Variants in SPATS2L observed in about 807,000 individuals in gnomAD.
SPATS2L encodes spermatogenesis associated serine rich 2 like.
Under a neutral mutation model 59.6 loss-of-function variants are expected in SPATS2L, and 30 were observed. That is an observed-to-expected ratio of 0.50 (90% CI 0.38 to 0.68). The LOEUF (loss-of-function observed/expected upper bound fraction) is 0.68. Ranked by LOEUF, SPATS2L falls within the 30% of genes least tolerant of loss-of-function variation. The pLI is 0.00. For synonymous variants in SPATS2L, 252 were observed against 263.5 expected, an observed-to-expected ratio of 0.96 and a Z score of 0.42; for missense variants, 615 against 700.0, an observed-to-expected ratio of 0.88 and a Z score of 1.37.
At chr2:200,389,339 C>T in intron 3 of SPATS2L, 56 bp downstream of exon 3, 1 of 1,300,966 alleles carries the variant, frequency 7.7e-7, no homozygotes, top group Non-Finnish European at 1.1e-6. Flanking sequence ...AATGCAGTTC[C>T]TAGCAGGTAA....
chr2:200,306,453 G>C, upstream of SPATS2L: 3 of 1,002,326 alleles, frequency 3.0e-6, no homozygotes, highest in Non-Finnish European at 3.6e-6. Flanking sequence ...TCTAGAAAGT[G>C]GGGTGGGAAA....
At chr2:200,312,724 G>T (rs1383386782) in intron 1 of SPATS2L, among the ~76,000 whole-genome samples, 1 of 152,186 alleles carries the variant, frequency 6.6e-6, no homozygotes, top group Non-Finnish European at 1.5e-5. Flanking sequence ...GCAGTTTGCG[G>T]GCAGAAACTG....
chr2:200,363,348 T>A (rs2081171294), intron 2 of SPATS2L, among the ~76,000 whole-genome samples: 1 of 152,240 alleles, frequency 6.6e-6, no homozygotes. Context: ...GTCTTATTTG[T>A]TTACTTGACT....
intron 3 of SPATS2L, among the ~76,000 whole-genome samples, chr2:200,410,007 T>C (rs1311971033): frequency 1.3e-5 from 2 of 152,164 alleles, no homozygotes; most frequent in East Asian, 3.8e-4. Context: ...AAGCCATTAT[T>C]TTATGTTTAT....
At chr2:200,307,159 G>C (rs1378891710) in intron 1 of SPATS2L, among the ~76,000 whole-genome samples, 1 of 151,412 alleles carries the variant, frequency 6.6e-6, no homozygotes, top group Non-Finnish European at 1.5e-5. Context: ...AGCCGGCGCG[G>C]GCAAGCGGGA....
chr2:200,363,965 G>A (rs1382364137), intron 2 of SPATS2L, among the ~76,000 whole-genome samples: 1 of 152,154 alleles, frequency 6.6e-6, no homozygotes, highest in Admixed American at 6.5e-5. Context: ...GGGCAACATT[G>A]CCCCCAAGGG....
At chr2:200,360,977 G>GTGTGTA (rs1412063611) in intron 2 of SPATS2L, among the ~76,000 whole-genome samples, 30 of 150,972 alleles carry the variant, frequency 2.0e-4, no homozygotes, top group Non-Finnish European at 4.0e-4. Flanking sequence ...CTGTGTGTGT[G>GTGTGTA]TGTGTGTGTG....
At chr2:200,318,282 T>C (rs1487140061) in intron 1 of SPATS2L, among the ~76,000 whole-genome samples, 1 of 152,210 alleles carries the variant, frequency 6.6e-6, no homozygotes, top group Non-Finnish European at 1.5e-5. Context: ...ATTTCTCCTG[T>C]GGAATCTGAA....
chr2:200,336,095 A>C (rs6435049), intron 2 of SPATS2L, among the ~76,000 whole-genome samples: 2 of 152,160 alleles, frequency 1.3e-5, no homozygotes, highest in Non-Finnish European at 2.9e-5. Context: ...AAGAATTCTC[A>C]TAAGTTGAAG....
chr2:200,340,899 A>G (rs1451533231), intron 2 of SPATS2L, among the ~76,000 whole-genome samples: 1 of 152,060 alleles, frequency 6.6e-6, no homozygotes, highest in African/African-American at 2.4e-5. Context: ...GTTTTCTTTT[A>G]TCATGTATTT....
chr2:200,417,184 G>T (rs193015641), intron 5 of SPATS2L, among the ~76,000 whole-genome samples: 2 of 152,240 alleles, frequency 1.3e-5, no homozygotes, highest in Admixed American at 6.5e-5. Flanking sequence ...GATATAGTAC[G>T]CCAGTCTACC....
chr2:200,428,359 A>G (rs984411078), intron 6 of SPATS2L, among the ~76,000 whole-genome samples: 11 of 152,218 alleles, frequency 7.2e-5, no homozygotes, highest in Middle Eastern at 3.4e-3. Context: ...CCTTAACTCT[A>G]TCGTTTCCCT....
chr2:200,306,102 G>A, upstream of SPATS2L: 2 of 986,210 alleles, frequency 2.0e-6, no homozygotes, highest in Non-Finnish European at 2.4e-6. Flanking sequence ...ACCCCGGGTT[G>A]GTCGGGTTTC....
chr2:200,432,367 A>G (rs992009274), intron 6 of SPATS2L, among the ~76,000 whole-genome samples: 1 of 152,198 alleles, frequency 6.6e-6, no homozygotes, highest in Admixed American at 6.5e-5. Flanking sequence ...CAGAGGAATT[A>G]AATGAAGGTA....
intron 6 of SPATS2L, among the ~76,000 whole-genome samples, chr2:200,438,467 G>T (rs559977885): frequency 6.6e-6 from 1 of 152,242 alleles, no homozygotes; most frequent in South Asian, 2.1e-4. Flanking sequence ...TTTAAAAGAT[G>T]CCAAAAGCAA....
At chr2:200,386,803 T>G (rs571250060) in intron 2 of SPATS2L, among the ~76,000 whole-genome samples, 1 of 152,304 alleles carries the variant, frequency 6.6e-6, no homozygotes, top group African/African-American at 2.4e-5. Context: ...TCATAGTTCT[T>G]AGGTATACCT....
In SPATS2L at chr2:200,425,774, G is replaced by A. The variant is rs182795702; in HGVS notation, c.445+6278G>A. ...TGGGGAGTTTACGTTCTTTGGGGTC[G>A]CGGGGGATGGGGAGAAGAGGTAGAT... On this transcript the variant is annotated intron_variant, in intron 6 of 12. Coordinates refer to ENST00000409140, the MANE Select transcript of SPATS2L (RefSeq NM_001100423.2). Among the ~76,000 whole-genome samples the A allele has an allele frequency of 4.1e-3, 618 of 152,250 alleles. 7 individuals are homozygous for A. The highest frequency in any genetic ancestry group is 2.3e-3 in the Non-Finnish European group (158 of 68,034).
intron 8 of SPATS2L, among the ~76,000 whole-genome samples, chr2:200,442,425 G>A (rs965890704): frequency 2.6e-5 from 4 of 152,116 alleles, no homozygotes; most frequent in Non-Finnish European, 4.4e-5. Context: ...CAGCTCTGCT[G>A]TTGCTGCTCA....
intron 2 of SPATS2L, among the ~76,000 whole-genome samples, chr2:200,333,900 C>G (rs967026383): frequency 2.0e-5 from 3 of 150,872 alleles, no homozygotes; most frequent in African/African-American, 7.3e-5. Flanking sequence ...TCCAGTCTAT[C>G]ATTGTTGGAC....
Sources: gnomAD v4.1 joint callset for allele counts (sites outside exome capture counted in the v4.1 genomes callset) on GRCh38, gnomAD v4.1.1 for gene constraint, MANE v1.5 for transcripts, NCBI Gene and HGNC (gene_info 2026-07-23, HGNC 2026-07-21) for gene names.